IPPK: variants seen among roughly 807,000 people sequenced by gnomAD.
IPPK encodes IPK1 homolog.
Under a neutral mutation model 64.6 loss-of-function variants are expected in IPPK, and 22 were observed. The ratio of observed to expected loss-of-function variants is 0.34; its 90% CI spans 0.24 to 0.49. The LOEUF is 0.49. IPPK is among the 20% of genes least tolerant of loss of function. The probability of loss-of-function intolerance (pLI) is 0.99; values close to 1 mark genes in which losing one functional copy is unlikely to be tolerated. For missense variants in IPPK, 532 were observed against 630.7 expected (o/e 0.84, Z 1.68); for synonymous variants, 262 against 247.2 (o/e 1.06, Z -0.56).
chr9:92,629,707 CA>C (rs201735483), intron 11 of IPPK, among the ~76,000 whole-genome samples: 34,886 of 94,442 alleles, frequency 0.37, 4,419 homozygotes, highest in East Asian at 0.71. Context: ...GATTCTATCT[CA>C]AAAAAAAAAA....
chr9:92,669,974 C>T lies in IPPK; in HGVS notation c.15G>A (p.Lys5=). The change falls in exon 1 of 13, where the codon AAG becomes AAA. Residue 5 remains lysine (K), a synonymous_variant. Transcript: ENST00000287996. MEEG[K]MDENEWGYHG... is the part of the protein sequence containing the mutation. ...GGTACCCCCATTCATTCTCGTCCAT[C>T]TTCCCCTCTTCCATGCCCAGGCGCA... is the stretch of plus-strand genomic sequence containing the variant. The T allele has an allele frequency of 6.2e-7, 1 of 1,612,506 alleles. No individual in the cohort carries two copies. The highest frequency in any genetic ancestry group is 1.1e-5 in the South Asian group (1 of 90,934).
intron 1 of IPPK, among the ~76,000 whole-genome samples, chr9:92,669,591 C>A (rs1852681401): frequency 6.6e-6 from 1 of 152,170 alleles, no homozygotes; most frequent in African/African-American, 2.4e-5. Flanking sequence ...CTGAGCGCGG[C>A]ACCGACGGGG....
intron 4 of IPPK, among the ~76,000 whole-genome samples, chr9:92,652,185 C>G (rs1852279594): frequency 1.3e-5 from 2 of 152,020 alleles, no homozygotes; most frequent in Non-Finnish European, 2.9e-5. Context: ...CACGGTGGCT[C>G]ACGCCTATAA....
intron 4 of IPPK, among the ~76,000 whole-genome samples, chr9:92,651,740 A>T (rs1180081218): frequency 6.6e-6 from 1 of 152,176 alleles, no homozygotes; most frequent in African/African-American, 2.4e-5. Context: ...TTTGAGACGG[A>T]GTCTCACTCT....
At chr9:92,626,635 GGAGAA>G (rs1196176304) in intron 11 of IPPK, among the ~76,000 whole-genome samples, 8 of 152,092 alleles carry the variant, frequency 5.3e-5, no homozygotes, top group Non-Finnish European at 1.0e-4. Flanking sequence ...ATATGATAAT[GGAGAA>G]GAGAAAATAT....
rs1852697919 is a variant in IPPK at position 92,670,058 on chromosome 9, T to A, written c.-70A>T. 1 of 1,175,290 alleles carries A rather than the reference T, an allele frequency of 8.5e-7. No homozygotes were observed. Among genetic ancestry groups the A allele is most frequent in the South Asian group, 1.3e-5 (1 of 74,316 alleles). The allele number at this position is 1,175,290 out of a possible 1,614,324, so 72.8% of individuals were successfully genotyped here. ...GCGAGCTGGGGGCCGCCCGCCTCGC[T>A]GGGAACCAGCCGCTGCGGTCGGGGG... On this transcript the variant is annotated 5_prime_UTR_variant, in exon 1 of 13. Coordinates refer to ENST00000287996, the MANE Select transcript of IPPK (RefSeq NM_022755.6).
chr9:92,635,450 G>T lies in IPPK; in HGVS notation c.917-142C>A. ...ACAGGCAAGGACTGCACCCTGGACT[G>T]GCACTAAGGACAGACGAGATGACGC... On this transcript the variant is annotated intron_variant, in intron 9 of 12. Coordinates refer to ENST00000287996, the MANE Select transcript of IPPK (RefSeq NM_022755.6). The surrounding 1 kb of genome is among the most constrained non-coding windows in gnomAD (Gnocchi z 4.4). The T allele has an allele frequency of 1.2e-6, 1 of 830,364 alleles. No individual in the cohort carries two copies. The highest frequency in any genetic ancestry group is 1.8e-6 in the Non-Finnish European group (1 of 547,088). 51.4% of individuals were successfully genotyped at this position (830,364 alleles called of 1,614,324 possible).
chr9:92,656,681 C>A, intron 2 of IPPK, 130 bp from the exon 3 acceptor site: 2 of 639,900 alleles, frequency 3.1e-6, no homozygotes, highest in East Asian at 5.6e-5. Context: ...AGACAGAACC[C>A]GGGTGACAGC....
intron 5 of IPPK, 93 bp from the exon 6 acceptor site, chr9:92,648,241 G>C (rs1272683830): frequency 1.1e-6 from 1 of 945,974 alleles, no homozygotes; most frequent in Non-Finnish European, 1.6e-6. Flanking sequence ...AATGAGTGCA[G>C]CAAGATAATT....
intron 11 of IPPK, among the ~76,000 whole-genome samples, chr9:92,633,050 G>A (rs1005099431): frequency 1.4e-4 from 21 of 149,258 alleles, no homozygotes; most frequent in African/African-American, 2.5e-4. Flanking sequence ...TCGCTCTGTC[G>A]CCCAGGCTAG....
intron 9 of IPPK, among the ~76,000 whole-genome samples, chr9:92,636,290 A>G (rs1275903694): frequency 6.6e-6 from 1 of 152,218 alleles, no homozygotes; most frequent in African/African-American, 2.4e-5. Flanking sequence ...ATGCCCAACT[A>G]GAGGGGATTT....
chr9:92,650,299 G>A (rs1207061421), intron 4 of IPPK, among the ~76,000 whole-genome samples: 2 of 151,708 alleles, frequency 1.3e-5, no homozygotes, highest in Admixed American at 6.6e-5. Context: ...CTGCACTACC[G>A]CCTGGCGAAG....
At chr9:92,630,195 GC>G (rs141310055) in intron 11 of IPPK, among the ~76,000 whole-genome samples, 5,987 of 152,326 alleles carry the variant, frequency 0.039, 183 homozygotes, top group South Asian at 0.11. Context: ...CTATTACTGA[GC>G]CATGTAAAGG....
chr9:92,649,606 A>AGTTT (rs1852220203), intron 4 of IPPK, 32 bp from the exon 5 acceptor site: 1 of 1,612,032 alleles, frequency 6.2e-7, no homozygotes, highest in Admixed American at 1.7e-5. Context: ...ACACAGAGCA[A>AGTTT]GGTCAGTGAG....
At chr9:92,630,868 T>C (rs1165166406) in intron 11 of IPPK, among the ~76,000 whole-genome samples, 1 of 151,964 alleles carries the variant, frequency 6.6e-6, no homozygotes, top group East Asian at 1.9e-4. Flanking sequence ...TCCAAACACA[T>C]AGAGCAAAAA....
rs777105974 is a variant in IPPK, at chr9:92,649,478, C to T, written c.389G>A (p.Arg130Gln). ...CTTAATCTCTACACACAGAATCGGC[C>T]GGTGCTCTGCAAAGCGGTAGGTTTG... ...RLQTYRFAEHRPILCVEIKPK... is the reference protein window; with the variant it reads ...RLQTYRFAEHQPILCVEIKPK... The change falls in exon 5 of 13, where the codon CGG becomes CAG. Residue 130 changes from arginine (R) to glutamine (Q), a missense_variant. Arg to Gln is a conservative substitution (Grantham distance 43). Coordinates refer to ENST00000287996, the MANE Select transcript of IPPK (RefSeq NM_022755.6). 6.8e-6 allele frequency: 11 copies of T among 1,613,994 alleles called. No homozygotes were observed. The highest frequency in any genetic ancestry group is 4.4e-5 in the South Asian group (4 of 91,082).
At chr9:92,637,949 T>C in intron 9 of IPPK, 52 bp downstream of exon 9, 1 of 1,458,824 alleles carries the variant, frequency 6.9e-7, no homozygotes, top group East Asian at 2.5e-5. Flanking sequence ...GACTGCAGAG[T>C]CCCAAGGCCC....
In IPPK at chr9:92,650,326, CA is replaced by C. The variant is rs377142565; in HGVS notation, c.293-753del. On this transcript the variant is annotated intron_variant, in intron 4 of 12. Transcript: ENST00000287996. Reference sequence around the variant, plus strand: ...CTGGCGAAGGAGCAAGACTCCATCTCAAAAAAAAAAACAAAAACAAAAACAA... The same window carrying C: ...CTGGCGAAGGAGCAAGACTCCATCTCAAAAAAAAAACAAAAACAAAAACAA... Among the ~76,000 whole-genome samples the C allele has an allele frequency of 8.6e-5, 12 of 139,676 alleles. No individual in the cohort carries two copies. The South Asian group carries it at 1.1e-3, about 13-fold the overall frequency. The allele number at this position is 139,676 out of a possible 152,430, so 91.6% of individuals were successfully genotyped here.
chr9:92,665,256 A>C (rs148416425), intron 1 of IPPK, among the ~76,000 whole-genome samples: 2 of 152,340 alleles, frequency 1.3e-5, no homozygotes, highest in African/African-American at 4.8e-5. Context: ...AAAAATTGTA[A>C]AAGGGAGCGA....
Sources: gnomAD v4.1 joint callset for allele counts (sites outside exome capture counted in the v4.1 genomes callset) on GRCh38, gnomAD v4.1.1 for gene constraint, Gnocchi (gnomAD v3.1) non-coding constraint, MANE v1.5 for transcripts, NCBI Gene and HGNC (gene_info 2026-07-23, HGNC 2026-07-21) for gene names.